Variants in MRTFB observed in about 807,000 individuals in gnomAD.
MRTFB encodes myocardin-related transcription factor B.
In MRTFB, 29 loss-of-function variants were observed where a neutral mutation model predicts 104.2. That is an observed-to-expected ratio of 0.28 (90% confidence interval 0.21 to 0.38). MRTFB has a LOEUF of 0.38. Among genes scored for constraint, MRTFB ranks in the 10% least tolerant of loss-of-function variants. The pLI is 1.00. For synonymous variants in MRTFB, 535 were observed against 519.5 expected, an observed-to-expected ratio of 1.03 and a Z score of -0.41; for missense variants, 1,270 against 1,341.6, an observed-to-expected ratio of 0.95 and a Z score of 0.83.
chr16:14,228,799 A>G (rs374197876), intron 8 of MRTFB, among the ~76,000 whole-genome samples: 665 of 32,496 alleles, frequency 0.02, 2 homozygotes, highest in African/African-American at 0.033. Flanking sequence ...CTCATGTTCA[A>G]TGAAATTCAG....
chr16:14,200,095 C>T, intron 3 of MRTFB: 1 of 563,402 alleles, frequency 1.8e-6, no homozygotes, highest in Non-Finnish European at 3.1e-6. Context: ...GCAAAGTGAC[C>T]TTATCAAAGT....
In MRTFB at chr16:14,247,358, G is replaced by T. The variant is rs1283468512; in HGVS notation, c.2098G>T (p.Val700Leu). ...GCAGAGTGTCGTCTCGCAGTTTTAT[G>T]TGAGTTCCCAGGGACAGCCACCGCC... Reference protein sequence around the residue: ...EQQSVVSQFYVSSQGQPPPAV... With the variant: ...EQQSVVSQFYLSSQGQPPPAV... The change falls in exon 12 of 17, where the codon GTG becomes TTG. Residue 700 changes from valine (V) to leucine (L), a missense_variant. This residue lies in a region of MRTFB where 1,144 missense variants were observed against 1,131.5 expected (regional missense o/e 1.01). Coordinates refer to ENST00000571589, the MANE Select transcript of MRTFB (RefSeq NM_001308142.2). The T allele has an allele frequency of 6.2e-7, 1 of 1,614,168 alleles. No homozygotes were observed. Among genetic ancestry groups the T allele is most frequent in the East Asian group, 2.2e-5 (1 of 44,874 alleles).
chr16:14,110,077 T>G (rs1469185687), intron 2 of MRTFB, among the ~76,000 whole-genome samples: 3 of 152,218 alleles, frequency 2.0e-5, no homozygotes, highest in African/African-American at 7.2e-5. Context: ...TTATTTACTC[T>G]ACTACCTTGA....
intron 8 of MRTFB, among the ~76,000 whole-genome samples, chr16:14,232,363 C>T (rs1308557565): frequency 6.6e-6 from 1 of 152,268 alleles, no homozygotes; most frequent in African/African-American, 2.4e-5. Context: ...AAGTCATATT[C>T]AGTAAAGAAG....
At chr16:14,111,728 A>G (rs943052906) in intron 2 of MRTFB, among the ~76,000 whole-genome samples, 1 of 152,160 alleles carries the variant, frequency 6.6e-6, no homozygotes, top group Non-Finnish European at 1.5e-5. Context: ...CTGAAGCCTC[A>G]GAGAGGTGTT....
intron 8 of MRTFB, among the ~76,000 whole-genome samples, chr16:14,227,599 C>T (rs1457759170): frequency 6.6e-6 from 1 of 152,146 alleles, no homozygotes; most frequent in African/African-American, 2.4e-5. Flanking sequence ...ACAACCTCCA[C>T]CTCCCAGGTT....
At chr16:14,190,649 G>A (rs1171293616) in intron 3 of MRTFB, among the ~76,000 whole-genome samples, 2 of 151,664 alleles carry the variant, frequency 1.3e-5, no homozygotes, top group African/African-American at 4.9e-5. Flanking sequence ...AAACCAAGTT[G>A]TGTGTTAATT....
chr16:14,011,874 AAATAAT>A, the MRTFB span, among the ~76,000 whole-genome samples: 1 of 152,226 alleles, frequency 6.6e-6, no homozygotes, highest in African/African-American at 2.4e-5. Context: ...TCCGTCTCAC[AAATAAT>A]AATAATAATT....
At position 14,177,903 on chromosome 16, in the gene MRTFB, G is replaced by GTGTGTGTGT. The variant is rs1555495151; in HGVS notation, c.155-32340_155-32339insTGTGTGTGT. Among the ~76,000 whole-genome samples the GTGTGTGTGT allele has an allele frequency of 6.9e-6, 1 of 145,962 alleles. No homozygotes were observed. Among genetic ancestry groups the GTGTGTGTGT allele is most frequent in the East Asian group, 2.0e-4 (1 of 5,018 alleles). On this transcript the variant is annotated intron_variant, in intron 3 of 16. Transcript: ENST00000571589. This position sits in a 1 kb window ranked among gnomAD's most constrained non-coding sequence, Gnocchi z 4.7. Reference sequence around the variant, plus strand: ...CGAGAAGTACATGAACCAGAGGTAGGGTGTGTGTGTGTGTGTGTGTGTGTG... The same window carrying GTGTGTGTGT: ...CGAGAAGTACATGAACCAGAGGTAGGTGTGTGTGTGTGTGTGTGTGTGTGTGTGTGTGTG...
chr16:14,072,187 G>A (rs966929270), intron 1 of MRTFB, among the ~76,000 whole-genome samples: 5 of 152,212 alleles, frequency 3.3e-5, no homozygotes, highest in Admixed American at 6.5e-5. Flanking sequence ...AACCTCGTCA[G>A]AATCAAGGTC....
In MRTFB at chr16:14,245,565, G is replaced by T; in HGVS notation, c.1117G>T (p.Ala373Ser). Residue 373 changes from alanine (A) to serine (S), a missense_variant, in exon 11 of 17, where the codon GCT (alanine) becomes TCT (serine). Ala to Ser is a moderately conservative substitution (Grantham distance 99). Around this residue, in one of 3 missense-constraint regions of MRTFB, gnomAD observed 1,144 missense variants for 1,131.5 expected, o/e 1.01. Transcript: ENST00000571589. ...CAAAAATAGTAACAGTGGGAATTCA[G>T]CTTTGAACAATGCCACACCTAACAC... ...NDKNSNSGNS[A>S]LNNATPNTPR... The T allele has an allele frequency of 1.2e-6, 2 of 1,613,738 alleles. No homozygotes were observed.
intron 3 of MRTFB, among the ~76,000 whole-genome samples, chr16:14,199,629 C>T (rs2040594744): frequency 6.6e-6 from 1 of 152,206 alleles, no homozygotes; most frequent in Admixed American, 6.5e-5. Flanking sequence ...CACTCCCTTG[C>T]CATACACTGT....
At chr16:14,004,948 G>A in the MRTFB span, among the ~76,000 whole-genome samples, 1 of 152,348 alleles carries the variant, frequency 6.6e-6, no homozygotes, top group Admixed American at 6.5e-5. Context: ...CCAGGGGCTG[G>A]GCTGCAATCA....
At chr16:14,034,775 C>G in the MRTFB span, among the ~76,000 whole-genome samples, 1 of 152,066 alleles carries the variant, frequency 6.6e-6, no homozygotes, top group Non-Finnish European at 1.5e-5. Flanking sequence ...CTGCAAAGAC[C>G]CTGTTTCCAA....
intron 2 of MRTFB, among the ~76,000 whole-genome samples, chr16:14,108,499 G>C (rs1382188007): frequency 2.0e-5 from 3 of 152,198 alleles, no homozygotes; most frequent in Admixed American, 1.3e-4. Context: ...ATAATCATCT[G>C]TCTGGCTGTG....
chr16:14,145,217 T>C (rs559889101), intron 3 of MRTFB, among the ~76,000 whole-genome samples: 5 of 151,690 alleles, frequency 3.3e-5, no homozygotes, highest in African/African-American at 7.3e-5. Flanking sequence ...AAAATGCAGG[T>C]GTTGGCATCA....
chr16:14,166,187 A>G (rs1237775657), intron 3 of MRTFB, among the ~76,000 whole-genome samples: 1 of 149,086 alleles, frequency 6.7e-6, no homozygotes, highest in Non-Finnish European at 1.5e-5. Flanking sequence ...GGAGGAGGAA[A>G]CTTTTTTGGT....
rs766627475 is a variant in MRTFB at position 14,218,788 on chromosome 16, TAAGTC to T, written c.515-24_515-20del. On this transcript the variant is annotated intron_variant, in intron 7 of 16. Transcript: ENST00000571589. ...TAAGCTTGGTATTCCAAAGCCAACA[TAAGTC>T]AAGTCAAAAATCATTTCTTTCTTTA... The T allele has an allele frequency of 2.0e-5, 32 of 1,565,348 alleles. No homozygotes were observed. The Middle Eastern group carries it at 8.8e-4, about 43-fold the overall frequency.
intron 3 of MRTFB, among the ~76,000 whole-genome samples, chr16:14,179,939 T>C (rs965334782): frequency 2.0e-5 from 3 of 152,196 alleles, no homozygotes; most frequent in Non-Finnish European, 4.4e-5. Flanking sequence ...ATTAGTGGAC[T>C]CCTCTTGTTG....
Sources: allele counts gnomAD v4.1 joint callset (sites outside exome capture counted in the v4.1 genomes callset), GRCh38; gene constraint gnomAD v4.1.1; regional missense constraint gnomAD v4.1.1; non-coding constraint Gnocchi (gnomAD v3.1); transcripts MANE v1.5; gene names NCBI Gene and HGNC (gene_info 2026-07-23, HGNC 2026-07-21).